Variants in GRID2 observed in about 807,000 individuals in gnomAD.
GRID2 encodes glutamate ionotropic receptor delta type subunit 2, also known as glutamate receptor ionotropic, delta-2.
Under a neutral mutation model 114.8 loss-of-function variants are expected in GRID2, and 33 were observed. The observed-to-expected ratio is 0.29, with a 90% CI of 0.22 to 0.38. GRID2 has a LOEUF of 0.38. GRID2 is among the 10% of genes least tolerant of loss of function. GRID2 has a pLI of 1.00. For missense variants in GRID2, 1,184 were observed against 1,257.7 expected (o/e 0.94, Z 0.89); for synonymous variants, 505 against 449.9 (o/e 1.12, Z -1.55).
chr4:93,374,330 T>A (rs2149297303), intron 8 of GRID2, among the ~76,000 whole-genome samples: 1 of 152,282 alleles, frequency 6.6e-6, no homozygotes, highest in Non-Finnish European at 1.5e-5. Context: ...GAAACAGCAA[T>A]AGCAGGGGTG....
At chr4:92,574,203 G>C (rs1727773387) in intron 1 of GRID2, among the ~76,000 whole-genome samples, 1 of 151,986 alleles carries the variant, frequency 6.6e-6, no homozygotes, top group South Asian at 2.1e-4. Flanking sequence ...TGTGAGACGA[G>C]TCCCTTGAAG....
intron 14 of GRID2, among the ~76,000 whole-genome samples, chr4:93,637,806 C>T (rs554972770): frequency 6.6e-6 from 1 of 152,252 alleles, no homozygotes; most frequent in East Asian, 1.9e-4. Context: ...ATTCTTCCTT[C>T]ATGGAAGTTT....
intron 4 of GRID2, among the ~76,000 whole-genome samples, chr4:93,152,738 AT>A: frequency 6.6e-6 from 1 of 152,264 alleles, no homozygotes; most frequent in South Asian, 2.1e-4. Flanking sequence ...GCTAGCAGTA[AT>A]AAAGTCTAAT....
intron 1 of GRID2, among the ~76,000 whole-genome samples, chr4:93,788,043 G>C (rs532350394): frequency 6.6e-6 from 1 of 152,122 alleles, no homozygotes; most frequent in Non-Finnish European, 1.5e-5. Flanking sequence ...AAGGCTGGGC[G>C]CGGTGGCTCA....
chr4:93,272,270 A>C (rs149777245), intron 8 of GRID2, among the ~76,000 whole-genome samples: 40 of 152,324 alleles, frequency 2.6e-4, no homozygotes, highest in Non-Finnish European at 1.3e-4. Context: ...GCAATAAACA[A>C]ACAGAACAAA....
At chr4:92,806,094 T>G (rs191804283) in intron 2 of GRID2, among the ~76,000 whole-genome samples, 1 of 151,870 alleles carries the variant, frequency 6.6e-6, no homozygotes, top group East Asian at 1.9e-4. Context: ...CCCTTTTATA[T>G]GTACTGTGAT....
chr4:92,664,169 A>G (rs1732655628), intron 2 of GRID2, among the ~76,000 whole-genome samples: 1 of 151,130 alleles, frequency 6.6e-6, no homozygotes, highest in South Asian at 2.1e-4. Flanking sequence ...ATTTCATTTC[A>G]GTTATTATAC....
intron 1 of GRID2, among the ~76,000 whole-genome samples, chr4:92,521,290 CA>C (rs1354856432): frequency 2.6e-5 from 4 of 151,716 alleles, no homozygotes; most frequent in Non-Finnish European, 2.9e-5. Context: ...TAATTCTTGA[CA>C]CATGATTTAT....
chr4:93,036,131 A>T (rs1481889417), intron 2 of GRID2, among the ~76,000 whole-genome samples: 1 of 151,664 alleles, frequency 6.6e-6, no homozygotes, highest in Non-Finnish European at 1.5e-5. Context: ...GGTCATTTAG[A>T]TTTCTCCCTT....
chr4:93,657,373 C>G (rs1723112099), intron 14 of GRID2, among the ~76,000 whole-genome samples: 1 of 152,014 alleles, frequency 6.6e-6, no homozygotes, highest in South Asian at 2.1e-4. Flanking sequence ...TGAAATTAAA[C>G]TGTAGATTGA....
downstream of GRID2, chr4:93,810,158 G>A (rs566990943): frequency 2.0e-5 from 3 of 152,290 alleles, no homozygotes; most frequent in South Asian, 6.2e-4. Flanking sequence ...TTGTCGTACA[G>A]TAGCCTTTCT....
chr4:93,433,072 T>C (rs894611616), intron 10 of GRID2, among the ~76,000 whole-genome samples: 9 of 152,050 alleles, frequency 5.9e-5, no homozygotes, highest in African/African-American at 2.2e-4. Context: ...CCGTCTCCAA[T>C]AATGATTGTA....
intron 1 of GRID2, among the ~76,000 whole-genome samples, chr4:92,385,316 CAG>C (rs57195501): frequency 0.031 from 4,687 of 151,612 alleles, 239 homozygotes; most frequent in African/African-American, 0.11. Context: ...TACAAATTGT[CAG>C]TGTTTTGTTG....
At chr4:93,354,828 A>G (rs1761167249) in intron 8 of GRID2, among the ~76,000 whole-genome samples, 1 of 146,362 alleles carries the variant, frequency 6.8e-6, no homozygotes, top group Non-Finnish European at 1.5e-5. Context: ...ATATATATAT[A>G]TATAATATAT....
intron 13 of GRID2, among the ~76,000 whole-genome samples, chr4:93,606,869 T>C (rs1416131061): frequency 6.6e-6 from 1 of 152,162 alleles, no homozygotes; most frequent in East Asian, 1.9e-4. Context: ...ATGTTAATGA[T>C]GGTATTTAAA....
At chr4:93,616,256 GA>G (rs1461036004) in intron 13 of GRID2, among the ~76,000 whole-genome samples, 1 of 152,022 alleles carries the variant, frequency 6.6e-6, no homozygotes, top group Admixed American at 6.6e-5. Context: ...GAAGTTTATA[GA>G]CTAAGGCCGG....
intron 2 of GRID2, among the ~76,000 whole-genome samples, chr4:92,950,191 CAA>C (rs760420085): frequency 8.6e-5 from 13 of 151,964 alleles, no homozygotes; most frequent in Non-Finnish European, 1.5e-4. Context: ...TCTAAAAAAG[CAA>C]AAAGTATTTT....
At chr4:93,050,752 A>G (rs973296843) in intron 2 of GRID2, among the ~76,000 whole-genome samples, 32 of 152,176 alleles carry the variant, frequency 2.1e-4, no homozygotes, top group African/African-American at 5.8e-4. Context: ...AGCTACAGGT[A>G]TGACAAAAGT....
rs554624737 is a variant in GRID2, at chr4:93,654,740, G to A, written c.2360+28305G>A. Among the ~76,000 whole-genome samples, 169 of 152,206 alleles carry A rather than the reference G, an allele frequency of 1.1e-3. No homozygotes were observed. In the Middle Eastern group the frequency reaches 0.014, roughly 12 times the overall value. ...AAAAACCCATTCATAAAAAGGATTG[G>A]AATTTTTTGAAAATGATAAGGAGCC... On this transcript the variant is annotated intron_variant, in intron 14 of 15. Coordinates refer to ENST00000282020, the MANE Select transcript of GRID2 (RefSeq NM_001510.4).
Sources: allele counts gnomAD v4.1 joint callset (sites outside exome capture counted in the v4.1 genomes callset), GRCh38; gene constraint gnomAD v4.1.1; transcripts MANE v1.5; gene names NCBI Gene and HGNC (gene_info 2026-07-23, HGNC 2026-07-21).